ESRRG: variants seen among roughly 807,000 people sequenced by gnomAD.
The protein encoded by ESRRG is estrogen related receptor gamma.
A neutral mutation model predicts 44.0 loss-of-function variants in ESRRG; 13 were observed. The observed-to-expected ratio is 0.30, with a 90% CI of 0.19 to 0.47. The LOEUF (loss-of-function observed/expected upper bound fraction) is 0.47. ESRRG is among the 20% of genes least tolerant of loss of function. The pLI is 1.00. For synonymous variants in ESRRG, 215 were observed against 214.6 expected (o/e 1.00, Z -0.02); for missense variants, 395 against 580.6 (o/e 0.68, Z 3.29).
intron 2 of ESRRG, among the ~76,000 whole-genome samples, chr1:216,749,255 A>G (rs2091765907): frequency 6.6e-6 from 1 of 151,962 alleles, no homozygotes; most frequent in Non-Finnish European, 1.5e-5. Flanking sequence ...GCAAACTGAC[A>G]CCAATGACCA....
intron 1 of ESRRG, among the ~76,000 whole-genome samples, chr1:216,953,301 T>C (rs1215420292): frequency 6.6e-6 from 1 of 152,122 alleles, no homozygotes; most frequent in African/African-American, 2.4e-5. Flanking sequence ...AGACAATGAT[T>C]TTCCAACTGC....
intron 5 of ESRRG, among the ~76,000 whole-genome samples, chr1:216,533,016 T>C (rs539027271): frequency 1.0e-3 from 158 of 152,298 alleles, no homozygotes; most frequent in Non-Finnish European, 1.9e-3. Context: ...AGAATAATTA[T>C]AATAAAAATA....
chr1:216,867,723 C>T (rs145135464), intron 2 of ESRRG, among the ~76,000 whole-genome samples: 142 of 152,226 alleles, frequency 9.3e-4, no homozygotes, highest in African/African-American at 3.2e-3. Context: ...TTCCATGGTG[C>T]TAAGGTTATT....
At chr1:216,933,603 A>T (rs2063684852) in intron 2 of ESRRG, among the ~76,000 whole-genome samples, 1 of 152,228 alleles carries the variant, frequency 6.6e-6, no homozygotes, top group Admixed American at 6.5e-5. Context: ...AAGAACATGG[A>T]TAAGACCAAA....
intron 2 of ESRRG, among the ~76,000 whole-genome samples, chr1:216,872,353 T>C (rs2096270586): frequency 6.6e-6 from 1 of 152,188 alleles, no homozygotes; most frequent in South Asian, 2.1e-4. Context: ...AGTGTTGGCA[T>C]TTTTTGGCCA....
chr1:216,862,229 C>CTTTT (rs369096933), intron 2 of ESRRG: 2 of 144,808 alleles, frequency 1.4e-5, no homozygotes, highest in African/African-American at 2.5e-5. Flanking sequence ...AACAGTTTCC[C>CTTTT]TTTTTTTTTT....
chr1:216,833,227 A>T (rs1416782212), intron 2 of ESRRG, among the ~76,000 whole-genome samples: 2 of 152,192 alleles, frequency 1.3e-5, no homozygotes, highest in African/African-American at 4.8e-5. Flanking sequence ...TCTAAAAAAA[A>T]ACACCCAATG....
chr1:216,641,190 GA>G (rs1297717233), intron 3 of ESRRG, among the ~76,000 whole-genome samples: 2 of 152,134 alleles, frequency 1.3e-5, no homozygotes, highest in Non-Finnish European at 2.9e-5. Context: ...TCCTCTCTAA[GA>G]CAAATGCAGG....
intron 6 of ESRRG, among the ~76,000 whole-genome samples, chr1:216,511,197 A>G (rs1428517043): frequency 6.6e-6 from 1 of 152,186 alleles, no homozygotes; most frequent in African/African-American, 2.4e-5. Flanking sequence ...CTCTCCAATC[A>G]TTGAATGAAT....
intron 2 of ESRRG, among the ~76,000 whole-genome samples, chr1:216,854,841 A>T (rs2095901683): frequency 6.6e-6 from 1 of 152,078 alleles, no homozygotes; most frequent in South Asian, 2.1e-4. Context: ...AAAAATTTTG[A>T]CAAAATTGAG....
intron 2 of ESRRG, among the ~76,000 whole-genome samples, chr1:216,865,562 C>T (rs1004345402): frequency 6.6e-6 from 1 of 152,058 alleles, no homozygotes; most frequent in Admixed American, 6.6e-5. Context: ...TCTTTGAAAA[C>T]TTTGTTACAG....
Position 216,813,006 on chromosome 1 carries a change from G to T in ESRRG, c.-14+126576C>A, listed in dbSNP as rs368240609. Among the ~76,000 whole-genome samples the T allele has an allele frequency of 2.1e-4, 32 of 152,304 alleles. No individual in the cohort carries two copies. In the South Asian group the frequency reaches 6.0e-3, roughly 29 times the overall value. ...AAACATGATGTTAACTGAGACAAAA[G>T]AATGCTGTGCAGCTGAACAGCTGAA... On this transcript the variant is annotated intron_variant, in intron 2 of 7. Transcript: ENST00000359162.
chr1:217,118,075 G>A (rs2092760879), intron 1 of ESRRG, among the ~76,000 whole-genome samples: 1 of 152,164 alleles, frequency 6.6e-6, no homozygotes, highest in African/African-American at 2.4e-5. Context: ...CCTGTTCTAA[G>A]CATTTTACTG....
intron 1 of ESRRG, among the ~76,000 whole-genome samples, chr1:217,030,244 C>T (rs530696997): frequency 1.3e-5 from 2 of 152,266 alleles, no homozygotes; most frequent in South Asian, 4.1e-4. Context: ...TCACTCTTCT[C>T]TGTGGCCATA....
At chr1:217,030,589 T>A (rs577261673) in intron 1 of ESRRG, among the ~76,000 whole-genome samples, 1 of 152,216 alleles carries the variant, frequency 6.6e-6, no homozygotes, top group Non-Finnish European at 1.5e-5. Context: ...TTAGACAAGA[T>A]CTCTAAGCCT....
intron 5 of ESRRG, among the ~76,000 whole-genome samples, chr1:216,529,124 C>A (rs2048525287): frequency 6.6e-6 from 1 of 152,118 alleles, no homozygotes. Context: ...CAAACAGGAA[C>A]CAGTTCTACC....
At chr1:216,599,883 C>T (rs1310765011) in intron 3 of ESRRG, among the ~76,000 whole-genome samples, 1 of 151,986 alleles carries the variant, frequency 6.6e-6, no homozygotes, top group Admixed American at 6.6e-5. Context: ...ACGGAAATCC[C>T]TTGGGACACC....
intron 2 of ESRRG, among the ~76,000 whole-genome samples, chr1:216,832,997 G>T (rs1278426362): frequency 1.3e-5 from 2 of 150,006 alleles, no homozygotes; most frequent in African/African-American, 5.0e-5. Flanking sequence ...TTCCTCTACT[G>T]CCATCATGCT....
chr1:216,862,800 G>A (rs2096074784), intron 2 of ESRRG: 2 of 152,104 alleles, frequency 1.3e-5, no homozygotes, highest in Non-Finnish European at 2.9e-5. Flanking sequence ...AACTTTTGGG[G>A]TGAGATCCCC....
Sources: gnomAD v4.1 joint callset for allele counts (sites outside exome capture counted in the v4.1 genomes callset) on GRCh38, gnomAD v4.1.1 for gene constraint, MANE v1.5 for transcripts, NCBI Gene and HGNC (gene_info 2026-07-23, HGNC 2026-07-21) for gene names.